UTRN: variants seen among roughly 807,000 people sequenced by gnomAD.
UTRN encodes the protein dystrophin-related protein 1.
In UTRN, 283 loss-of-function variants were observed where a neutral mutation model predicts 463.9. The ratio of observed to expected loss-of-function variants is 0.61; its 90% CI spans 0.55 to 0.67. The LOEUF is 0.67. UTRN is among the 30% of genes least tolerant of loss of function. The probability of loss-of-function intolerance (pLI) is 0.00; values close to 1 mark genes in which losing one functional copy is unlikely to be tolerated. For synonymous variants in UTRN, 1,442 were observed against 1,431.5 expected (o/e 1.01, Z -0.17); for missense variants, 3,922 against 4,084.3 (o/e 0.96, Z 1.08).
At chr6:144,398,286 G>A (rs950544257) in intron 2 of UTRN, 8 of 296,392 alleles carry the variant, frequency 2.7e-5, no homozygotes, top group Non-Finnish European at 5.5e-5. Context: ...TGCCTTGGAG[G>A]CTTTGTCAAC....
At chr6:144,487,765 A>G (rs997085195) in intron 29 of UTRN, 68 bp downstream of exon 29, 1 of 1,409,118 alleles carries the variant, frequency 7.1e-7, no homozygotes, top group African/African-American at 1.4e-5. Flanking sequence ...TAAGCTCCAT[A>G]TCATAGAGCT....
chr6:144,500,007 A>G (rs1051354550), intron 34 of UTRN, among the ~76,000 whole-genome samples: 11 of 152,114 alleles, frequency 7.2e-5, no homozygotes, highest in African/African-American at 9.7e-5. Context: ...TCTTTATCCA[A>G]TCCACCATTG....
At position 144,830,728 on chromosome 6, in the gene UTRN, T is replaced by TG. The variant is rs1554410686; in HGVS notation, c.9665+1874dup. Among the ~76,000 whole-genome samples the TG allele has an allele frequency of 2.1e-5, 3 of 145,312 alleles. No individual in the cohort carries two copies. In the Admixed American group the frequency reaches 2.4e-4, roughly 11 times the overall value. On this transcript the variant is annotated intron_variant, in intron 69 of 74. Transcript: ENST00000367545. ...GATTTGTTTTTTGTTTTTTGTTTTT[T>TG]GTTTTTTTTTTGCTTTTTTAGCTCA...
chr6:144,497,555 C>T (rs753549889), intron 33 of UTRN, among the ~76,000 whole-genome samples: 3 of 150,888 alleles, frequency 2.0e-5, no homozygotes, highest in African/African-American at 4.9e-5. Flanking sequence ...GTAGTATGTG[C>T]CTGTAATCCC....
At chr6:144,353,092 G>A (rs990279314) in intron 2 of UTRN, among the ~76,000 whole-genome samples, 3 of 151,924 alleles carry the variant, frequency 2.0e-5, no homozygotes, top group African/African-American at 7.3e-5. Flanking sequence ...ACAGGCATGT[G>A]CCACCACGCT....
intron 2 of UTRN, among the ~76,000 whole-genome samples, chr6:144,335,762 T>A (rs1776671400): frequency 6.6e-6 from 1 of 152,186 alleles, no homozygotes; most frequent in Non-Finnish European, 1.5e-5. Context: ...AATTCTCTAG[T>A]TCTTACCTGA....
chr6:144,712,052 T>G (rs1586158380), intron 53 of UTRN, among the ~76,000 whole-genome samples: 1 of 152,336 alleles, frequency 6.6e-6, no homozygotes, highest in East Asian at 1.9e-4. Context: ...CCTGAAATTC[T>G]GTAATTTTGA....
At chr6:144,452,348 T>C (rs1788409154) in intron 18 of UTRN, among the ~76,000 whole-genome samples, 2 of 152,158 alleles carry the variant, frequency 1.3e-5, no homozygotes, top group Admixed American at 1.3e-4. Flanking sequence ...AATTTAGAAT[T>C]GGGATTCTTC....
chr6:144,732,518 T>C (rs1389136421), intron 54 of UTRN, among the ~76,000 whole-genome samples: 1 of 151,946 alleles, frequency 6.6e-6, no homozygotes, highest in Non-Finnish European at 1.5e-5. Context: ...TCCACTTTAG[T>C]CTACTACTGA....
intron 40 of UTRN, 51 bp from the exon 41 acceptor site, chr6:144,522,965 T>G: frequency 7.4e-7 from 1 of 1,360,446 alleles, no homozygotes; most frequent in South Asian, 1.6e-5. Context: ...CTGTGATTCC[T>G]TTTTTTGTTA....
chr6:144,518,677 T>G lies in UTRN; in HGVS notation c.5541+1729T>G, dbSNP rs559455253. ...CTTCTCCAAGTTCAGGCAATATCTT[T>G]TTCATCTTTGGGTCCGAAATCAGAA... On this transcript the variant is annotated intron_variant, in intron 39 of 74. Coordinates refer to ENST00000367545, the MANE Select transcript of UTRN (RefSeq NM_007124.3). Among the ~76,000 whole-genome samples, 3 of 152,292 alleles carry G rather than the reference T, an allele frequency of 2.0e-5. No homozygotes were observed. The East Asian group carries it at 5.8e-4, about 29-fold the overall frequency.
At chr6:144,347,980 A>T (rs1473584436) in intron 2 of UTRN, among the ~76,000 whole-genome samples, 3 of 151,370 alleles carry the variant, frequency 2.0e-5, no homozygotes, top group Non-Finnish European at 2.9e-5. Flanking sequence ...AGTAGCTGGG[A>T]CTATAGGTAT....
chr6:144,776,548 G>C (rs772099259), intron 60 of UTRN, among the ~76,000 whole-genome samples: 1 of 152,112 alleles, frequency 6.6e-6, no homozygotes, highest in Non-Finnish European at 1.5e-5. Flanking sequence ...CTCATATTTC[G>C]AGAACGTTGC....
In UTRN at chr6:144,330,518, C is replaced by G. The variant is rs75587045; in HGVS notation, c.79+38611C>G. Reference sequence around the variant, plus strand: ...AAACAAATTTTTCTAAAGCTAAATTCCTTAACATTTTTCCTCACTCAGATT... The same window carrying G: ...AAACAAATTTTTCTAAAGCTAAATTGCTTAACATTTTTCCTCACTCAGATT... On this transcript the variant is annotated intron_variant, in intron 2 of 74. Coordinates refer to ENST00000367545, the MANE Select transcript of UTRN (RefSeq NM_007124.3). Among the ~76,000 whole-genome samples the G allele has an allele frequency of 4.4e-3, 675 of 152,240 alleles. 4 individuals carry two copies. The highest frequency in any genetic ancestry group is 0.015 in the African/African-American group (613 of 41,530).
intron 46 of UTRN, 64 bp from the exon 47 acceptor site, chr6:144,548,576 T>A: frequency 6.7e-7 from 1 of 1,499,808 alleles, no homozygotes; most frequent in Admixed American, 1.8e-5. Flanking sequence ...CGTGTCACCA[T>A]GACACCACCA....
At chr6:144,371,586 T>G (rs545019836) in intron 2 of UTRN, among the ~76,000 whole-genome samples, 1 of 152,174 alleles carries the variant, frequency 6.6e-6, no homozygotes, top group Non-Finnish European at 1.5e-5. Flanking sequence ...TAATTTTGTA[T>G]TTTTAGTAGA....
chr6:144,798,341 T>C (rs1160666520), intron 64 of UTRN, among the ~76,000 whole-genome samples: 3 of 152,196 alleles, frequency 2.0e-5, no homozygotes, highest in Non-Finnish European at 4.4e-5. Context: ...TTCTGAGGTC[T>C]TGGGGTCAAA....
intron 60 of UTRN, among the ~76,000 whole-genome samples, chr6:144,780,453 G>C (rs1488152073): frequency 6.6e-6 from 1 of 151,996 alleles, no homozygotes; most frequent in Admixed American, 6.6e-5. Context: ...CAGAGACAGA[G>C]AAAGAATTTT....
chr6:144,595,324 A>G (rs1421978552), intron 51 of UTRN, among the ~76,000 whole-genome samples: 2 of 152,232 alleles, frequency 1.3e-5, no homozygotes, highest in Non-Finnish European at 2.9e-5. Context: ...AACAAATAAC[A>G]ATCAATGACA....
Sources: gnomAD v4.1 joint callset for allele counts (sites outside exome capture counted in the v4.1 genomes callset) on GRCh38, gnomAD v4.1.1 for gene constraint, MANE v1.5 for transcripts, NCBI Gene and HGNC (gene_info 2026-07-23, HGNC 2026-07-21) for gene names.